The following CABLES2 variants were observed in gnomAD, a reference collection of about 807,000 sequenced individuals.
The protein encoded by CABLES2 is Cdk5 and Abl enzyme substrate 2.
A neutral mutation model predicts 44.8 loss-of-function variants in CABLES2; 35 were observed. That is an observed-to-expected ratio of 0.78 (90% CI 0.60 to 1.04). CABLES2 has a LOEUF of 1.04. Ranked by LOEUF, CABLES2 falls within the 50% of genes least tolerant of loss-of-function variation. CABLES2 has a pLI of 0.00. For synonymous variants in CABLES2, 282 were observed against 281.1 expected (o/e 1.00, Z -0.03); for missense variants, 566 against 615.7 (o/e 0.92, Z 0.85).
chr20:62,398,002 T>C (rs1349227489), intron 1 of CABLES2, among the ~76,000 whole-genome samples: 7 of 109,846 alleles, frequency 6.4e-5, no homozygotes, highest in Non-Finnish European at 7.6e-5. Context: ...GTGATGATGG[T>C]GATGGTTATG....
At position 62,407,208 on chromosome 20, in the gene CABLES2, G is replaced by C; in HGVS notation, c.69C>G (p.Ala23=). The part of the protein sequence containing the change: ...APGPAGPPPP[A]APTSAARAPP... ...GGGCCCGAGCGGCCGAGGTCGGCGCGGCGGGTGGCGGGGGCCCGGCGGGGC... is the reference window on the plus strand; with the variant it reads ...GGGCCCGAGCGGCCGAGGTCGGCGCCGCGGGTGGCGGGGGCCCGGCGGGGC... Residue 23 remains alanine, a synonymous_variant, in exon 1 of 10, where the codon GCC becomes GCG. Coordinates refer to ENST00000279101, the MANE Select transcript of CABLES2 (RefSeq NM_031215.3). 1.0e-6 allele frequency: 1 copy of C among 973,186 alleles called. No individual in the cohort carries two copies. Among genetic ancestry groups the C allele is most frequent in the Non-Finnish European group, 1.2e-6 (1 of 821,514 alleles). 60.3% of individuals were successfully genotyped at this position (973,186 alleles called of 1,614,324 possible).
At chr20:62,398,171 AATGGTGGTGG>A (rs1988102541) in intron 1 of CABLES2, among the ~76,000 whole-genome samples, 2 of 23,246 alleles carry the variant, frequency 8.6e-5, no homozygotes, top group Non-Finnish European at 1.5e-4. Flanking sequence ...TGATGGTGGT[AATGGTGGTGG>A]TGGTGATGGT....
rs1179017791 is a variant in CABLES2 at position 62,402,355 on chromosome 20, A to G, written c.362+4560T>C. On this transcript the variant is annotated intron_variant, in intron 1 of 9. Coordinates refer to ENST00000279101, the MANE Select transcript of CABLES2 (RefSeq NM_031215.3). ...AAGACCCCATCCCCATTAGAAACCC[A>G]AAGCTGTGTGTACGAGCTGCTCTGA... The G allele has an allele frequency of 2.6e-5, 4 of 152,364 alleles. No homozygotes were observed. The East Asian group carries it at 7.7e-4, about 29-fold the overall frequency. The allele number at this position is 152,364 out of a possible 1,614,324, so 9.4% of individuals were successfully genotyped here.
chr20:62,398,086 T>TGGTGGTGGTGGTGGTGGTG (rs1988084495), intron 1 of CABLES2, among the ~76,000 whole-genome samples: 2 of 56,624 alleles, frequency 3.5e-5, no homozygotes, highest in Non-Finnish European at 7.2e-5. Context: ...GTGGTGGTGG[T>TGGTGGTGGTGGTGGTGGTG]GACGGTGGTG....
chr20:62,395,049 G>A (rs1376256256), intron 3 of CABLES2, 35 bp from the exon 4 acceptor site: 7 of 1,544,804 alleles, frequency 4.5e-6, no homozygotes, highest in Non-Finnish European at 6.3e-6. Context: ...GACGGGGCCG[G>A]GGAGCGGGGC....
chr20:62,398,058 ATGGTGGTGGTGACGG>A (rs1988077571), intron 1 of CABLES2, among the ~76,000 whole-genome samples: 1 of 77,276 alleles, frequency 1.3e-5, no homozygotes, highest in Non-Finnish European at 2.5e-5. Context: ...GGTGATGGCG[ATGGTGGTGGTGACGG>A]TGGTGGTGGT....
chr20:62,393,708 C>A (rs1987963030), intron 5 of CABLES2, 103 bp from the exon 6 acceptor site: 5 of 1,291,428 alleles, frequency 3.9e-6, no homozygotes, highest in Non-Finnish European at 5.3e-6. Context: ...AGGAGCCCTG[C>A]ATGGAAAATG....
At chr20:62,401,709 G>A (rs570629723) in intron 1 of CABLES2, among the ~76,000 whole-genome samples, 3 of 152,342 alleles carry the variant, frequency 2.0e-5, no homozygotes, top group Non-Finnish European at 2.9e-5. Flanking sequence ...TGAGAGGCTC[G>A]TCATGTGGTG....
chr20:62,392,575 C>T (rs542010909), intron 7 of CABLES2, 80 bp from the exon 8 acceptor site: 62 of 1,057,274 alleles, frequency 5.9e-5, no homozygotes, highest in Non-Finnish European at 8.8e-5. Flanking sequence ...ATGGATTTCT[C>T]ACTGTCCTGG....
intron 1 of CABLES2, among the ~76,000 whole-genome samples, chr20:62,400,422 C>T (rs543620561): frequency 3.3e-5 from 5 of 152,214 alleles, no homozygotes; most frequent in African/African-American, 7.2e-5. Context: ...TGATGGGTGA[C>T]GGCGGACAGA....
At position 62,390,072 on chromosome 20, in the gene CABLES2, C is replaced by T. The variant is rs1437458509; in HGVS notation, c.*899G>A. Reference sequence around the variant, plus strand: ...TTTGTTCCCTTAAAAAAAAAAGACCCAAAAAACCAAATCCCAATAAATATG... The same window carrying T: ...TTTGTTCCCTTAAAAAAAAAAGACCTAAAAAACCAAATCCCAATAAATATG... On this transcript the variant is annotated 3_prime_UTR_variant, in exon 10 of 10. Transcript: ENST00000279101. The T allele has an allele frequency of 6.6e-6, 1 of 152,142 alleles. No homozygotes were observed. Among genetic ancestry groups the T allele is most frequent in the East Asian group, 1.9e-4 (1 of 5,196 alleles). 9.4% of individuals were successfully genotyped at this position (152,142 alleles called of 1,614,324 possible).
intron 1 of CABLES2, chr20:62,403,860 G>C (rs1360448408): frequency 6.6e-6 from 1 of 152,376 alleles, no homozygotes; most frequent in African/African-American, 2.4e-5. Context: ...ATAAGTATTA[G>C]GACCGAGAAG....
Position 62,390,184 on chromosome 20 carries a change from G to C in CABLES2, c.*787C>G, listed in dbSNP as rs1031108209. 1 of 152,536 alleles carries C rather than the reference G, an allele frequency of 6.6e-6. No individual in the cohort carries two copies. 9.4% of individuals were successfully genotyped at this position (152,536 alleles called of 1,614,324 possible). A position where few individuals can be genotyped will look rare whatever the true frequency, so the allele number is the denominator to read the frequency against. ...GGAGGCCCAGAGTGTCTCCTGGTGA[G>C]AGGCAGAGGGTAGAGCATGGCATGG... On this transcript the variant is annotated 3_prime_UTR_variant, in exon 10 of 10. Transcript: ENST00000279101.
chr20:62,401,539 G>A (rs1238783343), intron 1 of CABLES2, among the ~76,000 whole-genome samples: 3 of 152,198 alleles, frequency 2.0e-5, no homozygotes. Context: ...GAGAGGTGTC[G>A]GTGTGTCCGG....
rs1243991344 is a variant in CABLES2 at position 62,403,959 on chromosome 20, G to T, written c.362+2956C>A. ...CACCTGAAATCCCAGCACTTGGGAG[G>T]CCAAGACGGATCACGTGAGCCAGAG... On this transcript the variant is annotated intron_variant, in intron 1 of 9. Coordinates refer to ENST00000279101, the MANE Select transcript of CABLES2 (RefSeq NM_031215.3). The T allele has an allele frequency of 2.6e-5, 4 of 152,248 alleles. No individual in the cohort carries two copies. The East Asian group carries it at 7.7e-4, about 29-fold the overall frequency. The allele number at this position is 152,248 out of a possible 1,614,324, so 9.4% of individuals were successfully genotyped here. A position where few individuals can be genotyped will look rare whatever the true frequency, so the allele number is the denominator to read the frequency against.
At chr20:62,398,998 G>A (rs1289858149) in intron 1 of CABLES2, among the ~76,000 whole-genome samples, 2 of 152,234 alleles carry the variant, frequency 1.3e-5, no homozygotes. Context: ...CCAGGCTGAA[G>A]TGCAATGGCG....
rs142809300 is a variant in CABLES2, at chr20:62,391,911, C to T, written c.1092-458G>A. 4.7e-4 allele frequency among the ~76,000 whole-genome samples: 71 copies of T among 152,104 alleles called. No homozygotes were observed. Among genetic ancestry groups the T allele is most frequent in the African/African-American group, 1.5e-3 (64 of 41,498 alleles). On this transcript the variant is annotated intron_variant, in intron 8 of 9. Transcript: ENST00000279101. This position sits in a 1 kb window ranked among gnomAD's most constrained non-coding sequence, Gnocchi z 5.7. ...GAGCCCGACGTGAGCCCAGCAGTTCCGCCGCCTTCTGCTCGCTTTCCTCCG... is the reference window on the plus strand; with the variant it reads ...GAGCCCGACGTGAGCCCAGCAGTTCTGCCGCCTTCTGCTCGCTTTCCTCCG...
chr20:62,397,543 C>T (rs1365885649), intron 1 of CABLES2, among the ~76,000 whole-genome samples: 3 of 152,202 alleles, frequency 2.0e-5, no homozygotes, highest in African/African-American at 4.8e-5. Flanking sequence ...CCTCAACACT[C>T]GGGACCAAGC....
At chr20:62,393,207 C>T (rs1360121694) in intron 6 of CABLES2, among the ~76,000 whole-genome samples, 184 bp from the exon 7 acceptor site, 1 of 152,274 alleles carries the variant, frequency 6.6e-6, no homozygotes, top group Non-Finnish European at 1.5e-5. Context: ...GAGGGGCCCT[C>T]CCTGGAGTCA....
Sources: gnomAD v4.1 joint callset for allele counts (sites outside exome capture counted in the v4.1 genomes callset) on GRCh38, gnomAD v4.1.1 for gene constraint, Gnocchi (gnomAD v3.1) non-coding constraint, MANE v1.5 for transcripts, NCBI Gene and HGNC (gene_info 2026-07-23, HGNC 2026-07-21) for gene names.